The following TOM1L1 variants were observed in gnomAD, a reference collection of about 807,000 sequenced individuals.
TOM1L1 encodes the protein TOM1-like protein 1.
Under a neutral mutation model 63.4 loss-of-function variants are expected in TOM1L1, and 64 were observed. The ratio of observed to expected loss-of-function variants is 1.01; its 90% CI spans 0.83 to 1.24. TOM1L1 has a LOEUF of 1.24. TOM1L1 is among the 50% of genes most tolerant of loss of function. TOM1L1 has a pLI of 0.00. For synonymous variants in TOM1L1, 166 were observed against 194.4 expected (o/e 0.85, Z 1.22); for missense variants, 536 against 567.0 (o/e 0.95, Z 0.55).
intron 7 of TOM1L1, 43 bp from the exon 8 acceptor site, chr17:54,930,030 G>A: frequency 6.2e-7 from 1 of 1,612,706 alleles, no homozygotes; most frequent in South Asian, 1.1e-5. Flanking sequence ...TTTATAGAAT[G>A]TTCCAAGTGT....
At chr17:54,934,198 A>G (rs1252052999) in intron 8 of TOM1L1, among the ~76,000 whole-genome samples, 8 of 152,188 alleles carry the variant, frequency 5.3e-5, no homozygotes, top group African/African-American at 1.9e-4. Context: ...TTTAGGGTAA[A>G]GATCTTGAGG....
intron 11 of TOM1L1, among the ~76,000 whole-genome samples, chr17:54,939,381 T>A (rs2143908694): frequency 6.6e-6 from 1 of 152,126 alleles, no homozygotes; most frequent in South Asian, 2.1e-4. Flanking sequence ...TGTCTCTGTT[T>A]ATTTTTAGTA....
chr17:54,930,490 AG>A (rs756180021), intron 8 of TOM1L1: 3 of 297,046 alleles, frequency 1.0e-5, no homozygotes, highest in Non-Finnish European at 6.3e-6. Flanking sequence ...GGATCACTTG[AG>A]CCCAGGAATT....
At chr17:54,938,203 T>C (rs763589003) in intron 10 of TOM1L1, among the ~76,000 whole-genome samples, 6 of 152,126 alleles carry the variant, frequency 3.9e-5, no homozygotes, top group Admixed American at 6.5e-5. Context: ...CTTAAGATTA[T>C]GGCCTGGAGG....
intron 7 of TOM1L1, among the ~76,000 whole-genome samples, chr17:54,921,557 T>C (rs1165433332): frequency 6.6e-6 from 1 of 151,806 alleles, no homozygotes; most frequent in Non-Finnish European, 1.5e-5. Context: ...CTGGCCAACA[T>C]GTGAAACTTT....
At chr17:54,930,345 G>T (rs1044721543) in intron 8 of TOM1L1, 139 bp downstream of exon 8, 2 of 1,210,264 alleles carry the variant, frequency 1.7e-6, no homozygotes, top group Non-Finnish European at 1.2e-6. Context: ...ATTGGCATGT[G>T]GGGTGGGACA....
chr17:54,915,502 T>G (rs528513474), intron 6 of TOM1L1, among the ~76,000 whole-genome samples: 160 of 152,302 alleles, frequency 1.1e-3, no homozygotes, highest in African/African-American at 3.5e-3. Flanking sequence ...TTTCCTTTCA[T>G]TTTTAAAATT....
At chr17:54,913,898 G>C in intron 5 of TOM1L1, 25 bp downstream of exon 5, 1 of 1,595,124 alleles carries the variant, frequency 6.3e-7, no homozygotes, top group Non-Finnish European at 8.6e-7. Flanking sequence ...TTTGACCCAT[G>C]GAGACTATAG....
rs2048913768 is a variant in TOM1L1 at position 54,934,436 on chromosome 17, T to C, written c.855-2213T>C. Among the ~76,000 whole-genome samples the C allele has an allele frequency of 2.0e-5, 3 of 152,216 alleles. No homozygotes were observed. The South Asian group carries it at 6.2e-4, about 32-fold the overall frequency. On this transcript the variant is annotated intron_variant, in intron 8 of 15. Coordinates refer to ENST00000575882, the MANE Select transcript of TOM1L1 (RefSeq NM_005486.3). The stretch of plus-strand genomic sequence containing the variant: ...TTGCCATGTAACCTAACATATTCAC[T>C]GGTTGTGTTTACTAGGATGTGGGTA...
At chr17:54,931,953 TTTTTTTG>T (rs1201348815) in intron 8 of TOM1L1, among the ~76,000 whole-genome samples, 11 of 114,520 alleles carry the variant, frequency 9.6e-5, no homozygotes, top group African/African-American at 1.1e-4. Flanking sequence ...TTCTTCGTTT[TTTTTTTG>T]TTTGTTTGTT....
chr17:54,914,567 G>A (rs539725827), intron 5 of TOM1L1, 72 bp from the exon 6 acceptor site: 174 of 1,254,550 alleles, frequency 1.4e-4, no homozygotes, highest in Middle Eastern at 1.1e-3. Context: ...TGAGTTAGCT[G>A]AATGGAAAAA....
chr17:54,923,449 C>T (rs986578159), intron 7 of TOM1L1, among the ~76,000 whole-genome samples: 4 of 151,532 alleles, frequency 2.6e-5, no homozygotes, highest in African/African-American at 9.7e-5. Flanking sequence ...AGTGGTATCT[C>T]ATTATGGTTT....
chr17:54,909,312 G>A (rs893083070), intron 3 of TOM1L1, among the ~76,000 whole-genome samples: 3 of 152,160 alleles, frequency 2.0e-5, no homozygotes, highest in African/African-American at 7.2e-5. Flanking sequence ...GGAGCTTGTT[G>A]CAGTTGGAGG....
chr17:54,945,644 C>T (rs1279526003), intron 11 of TOM1L1, among the ~76,000 whole-genome samples: 4 of 151,292 alleles, frequency 2.6e-5, no homozygotes, highest in African/African-American at 9.7e-5. Context: ...TCTGTCATTT[C>T]CATTTTGCTA....
At chr17:54,949,313 G>A (rs1049806102) in intron 12 of TOM1L1, among the ~76,000 whole-genome samples, 8 of 150,332 alleles carry the variant, frequency 5.3e-5, no homozygotes, top group African/African-American at 1.7e-4. Flanking sequence ...TGAGATAACA[G>A]GCATGAGCCA....
At chr17:54,927,892 C>T (rs1001593748) in intron 7 of TOM1L1, among the ~76,000 whole-genome samples, 4 of 152,158 alleles carry the variant, frequency 2.6e-5, no homozygotes, top group Non-Finnish European at 5.9e-5. Context: ...GTTTCCATTC[C>T]ATCTGTCTCT....
chr17:54,903,691 C>T lies in TOM1L1; in HGVS notation c.59-17C>T. 1.2e-6 allele frequency: 2 copies of T among 1,610,274 alleles called. No individual in the cohort carries two copies. Among genetic ancestry groups the T allele is most frequent in the South Asian group, 1.1e-5 (1 of 90,984 alleles). On this transcript the variant is annotated splice_polypyrimidine_tract_variant and intron_variant, in intron 1 of 15. Transcript: ENST00000575882. ...TTATTCTGTTGTAGCTCAGACTCAA[C>T]AGCTTTTTCTTGGCAGAAAAGGCTA...
chr17:54,907,153 CTT>C (rs74686562), intron 3 of TOM1L1, among the ~76,000 whole-genome samples: 41 of 137,282 alleles, frequency 3.0e-4, no homozygotes, highest in Middle Eastern at 3.4e-3. Context: ...CCCCCTTCAC[CTT>C]TTTTTTTTTT....
intron 14 of TOM1L1, chr17:54,953,088 T>G (rs1279532568): frequency 2.6e-5 from 4 of 152,252 alleles, no homozygotes; most frequent in Admixed American, 2.6e-4. Context: ...GATCAAAAAC[T>G]CAGCTGGTGG....
Sources: allele counts gnomAD v4.1 joint callset (sites outside exome capture counted in the v4.1 genomes callset), GRCh38; gene constraint gnomAD v4.1.1; transcripts MANE v1.5; gene names NCBI Gene and HGNC (gene_info 2026-07-23, HGNC 2026-07-21).